Variants in SZT2 observed in about 807,000 individuals in gnomAD.
The protein encoded by SZT2 is SZT2 subunit of KICSTOR complex.
A neutral mutation model predicts 404.2 loss-of-function variants in SZT2; 216 were observed. The ratio of observed to expected loss-of-function variants is 0.53; its 90% CI spans 0.48 to 0.60. The LOEUF is 0.60. Ranked by LOEUF, SZT2 falls within the 20% of genes least tolerant of loss-of-function variation. The pLI, the probability that SZT2 is intolerant of heterozygous loss-of-function variation, is 0.00. For synonymous variants in SZT2, 1,693 were observed against 1,749.9 expected (o/e 0.97, Z 0.81); for missense variants, 3,857 against 4,459.2 (o/e 0.86, Z 3.85).
intron 1 of SZT2, among the ~76,000 whole-genome samples, chr1:43,390,409 T>A (rs1348954884): frequency 6.6e-6 from 1 of 152,250 alleles, no homozygotes; most frequent in East Asian, 1.9e-4. Context: ...CTAGGGCTCA[T>A]GCTTTTAGAA....
At chr1:43,419,203 C>T (rs895649576) in intron 7 of SZT2, among the ~76,000 whole-genome samples, 4 of 152,168 alleles carry the variant, frequency 2.6e-5, no homozygotes, top group Admixed American at 6.5e-5. Context: ...CAATAAAACT[C>T]GATTCACAAA....
intron 7 of SZT2, among the ~76,000 whole-genome samples, chr1:43,419,156 C>A (rs1437786151): frequency 1.3e-5 from 2 of 152,206 alleles, no homozygotes; most frequent in African/African-American, 4.8e-5. Context: ...TGAAAGCAGC[C>A]ACAGACAATA....
In SZT2 at chr1:43,451,130, C is replaced by A. The variant is rs768260846; in HGVS notation, c.*650C>A. ...AAGTGTTAGACACTATGTGTCCCAC[C>A]ACCCCATTACAGAGACATATGACAA... On this transcript the variant is annotated 3_prime_UTR_variant, in exon 72 of 72. Transcript: ENST00000634258. 9.4e-7 allele frequency: 1 copy of A among 1,069,208 alleles called. No individual in the cohort carries two copies. 66.2% of individuals were successfully genotyped at this position (1,069,208 alleles called of 1,614,324 possible). A position where few individuals can be genotyped will look rare whatever the true frequency, so the allele number is the denominator to read the frequency against.
intron 6 of SZT2, 101 bp from the exon 7 acceptor site, chr1:43,416,434 G>A: frequency 1.1e-6 from 1 of 897,296 alleles, no homozygotes; most frequent in Non-Finnish European, 1.7e-6. Context: ...CGACATTGGT[G>A]GGAAGACACT....
At chr1:43,428,805 TC>T (rs1029186560) in intron 28 of SZT2, 2 of 288,838 alleles carry the variant, frequency 6.9e-6, no homozygotes, top group South Asian at 6.2e-5. Flanking sequence ...AGTAGGAATC[TC>T]CCCAACCAAT....
At position 43,420,880 on chromosome 1, in the gene SZT2, G is replaced by C; in HGVS notation, c.1393G>C (p.Gly465Arg). ...AACACGGGTGGAAGTGACGATGGAA[G>C]GCGGCTACGACATTTTGCATGATGT... Reference protein sequence around the residue: ...RVTRVEVTMEGGYDILHDVSC... With the variant: ...RVTRVEVTMERGYDILHDVSC... Residue 465 changes from glycine (G) to arginine (R), a missense_variant, in exon 10 of 72, where the codon GGC becomes CGC. By Grantham distance (125) the Gly-to-Arg change is moderately radical. Transcript: ENST00000634258. The surrounding 1 kb of genome is among the most constrained non-coding windows in gnomAD (Gnocchi z 5.1). 6.3e-7 allele frequency: 1 copy of C among 1,598,478 alleles called. No individual in the cohort carries two copies.
intron 28 of SZT2, 105 bp from the exon 29 acceptor site, chr1:43,429,598 T>TC (rs1653608804): frequency 7.0e-7 from 1 of 1,430,904 alleles, no homozygotes; most frequent in African/African-American, 1.4e-5. Flanking sequence ...TAAGTACTCT[T>TC]CCTGTGGACA....
chr1:43,428,626 C>A, intron 28 of SZT2, 140 bp downstream of exon 28: 2 of 1,219,422 alleles, frequency 1.6e-6, no homozygotes, highest in Non-Finnish European at 2.2e-6. Context: ...CGCCGGCTCA[C>A]GGACTCCCAT....
chr1:43,452,988 T>C lies in SZT2; in HGVS notation c.*2508T>C. 6.3e-7 allele frequency: 1 copy of C among 1,586,940 alleles called. No homozygotes were observed. The highest frequency in any genetic ancestry group is 8.6e-7 in the Non-Finnish European group (1 of 1,158,486). On this transcript the variant is annotated 3_prime_UTR_variant, in exon 72 of 72. Transcript: ENST00000634258. ...CAAGGAACACTCAACTTCCTGCCCATCAAGCAATGCCCACTCCTTGAAGAC... is the reference window on the plus strand; with the variant it reads ...CAAGGAACACTCAACTTCCTGCCCACCAAGCAATGCCCACTCCTTGAAGAC...
intron 42 of SZT2, 93 bp downstream of exon 42, chr1:43,435,422 A>G (rs1654362262): frequency 2.1e-6 from 3 of 1,450,244 alleles, no homozygotes; most frequent in South Asian, 1.3e-5. Context: ...CAGAGTCCTC[A>G]TTACTTGGTC....
At position 43,420,245 on chromosome 1, in the gene SZT2, G is replaced by A. The variant is rs1314170062; in HGVS notation, c.1183G>A (p.Val395Met). Residue 395 changes from valine to methionine, a missense_variant, in exon 9 of 72, where the codon GTG (valine) becomes ATG (methionine). Val to Met is a conservative substitution (Grantham distance 21). Around this residue, in one of 7 missense-constraint regions of SZT2, gnomAD observed 536 missense variants for 637.4 expected, o/e 0.84. Transcript: ENST00000634258. The surrounding 1 kb of genome is among the most constrained non-coding windows in gnomAD (Gnocchi z 5.1). ...CCGGAAGAAGCACACTGAGAAGGAG[G>A]TGCCAGCCGACTTGGTCAGCACTGT... is the stretch of plus-strand genomic sequence containing the variant. ...LRRKKHTEKE[V>M]PADLVSTVSV... is the part of the protein sequence containing the mutation. The A allele has an allele frequency of 1.3e-6, 2 of 1,598,358 alleles. No homozygotes were observed. The highest frequency in any genetic ancestry group is 1.7e-5 in the Admixed American group (1 of 60,002).
chr1:43,447,160 T>C lies in SZT2; in HGVS notation c.9278T>C (p.Ile3093Thr). 6.2e-7 allele frequency: 1 copy of C among 1,611,508 alleles called. No homozygotes were observed. Among genetic ancestry groups the C allele is most frequent in the African/African-American group, 1.3e-5 (1 of 74,966 alleles). The change falls in exon 66 of 72, where the codon ATT becomes ACT. Residue 3093 changes from isoleucine to threonine, a missense_variant. Coordinates refer to ENST00000634258, the MANE Select transcript of SZT2 (RefSeq NM_001365999.1). ...GGACCCCACTTTGGCCGCAATCACA[T>C]TTACCAAGGTCAGTGCCCAAGGGCA... ...PDGPHFGRNH[I>T]YQGTLELPTP...
At chr1:43,413,164 G>A (rs1361210770) in intron 4 of SZT2, among the ~76,000 whole-genome samples, 1 of 152,160 alleles carries the variant, frequency 6.6e-6, no homozygotes, top group African/African-American at 2.4e-5. Context: ...CACTTTGGGA[G>A]GCCGAGGTGG....
rs774506037 is a variant in SZT2, at chr1:43,437,937, A to G, written c.6508+35A>G. 5.0e-6 allele frequency: 8 copies of G among 1,602,482 alleles called. No homozygotes were observed. The highest frequency in any genetic ancestry group is 6.8e-6 in the Non-Finnish European group (8 of 1,169,778). On this transcript the variant is annotated intron_variant, in intron 46 of 71. Coordinates refer to ENST00000634258, the MANE Select transcript of SZT2 (RefSeq NM_001365999.1). The surrounding 1 kb of genome is among the most constrained non-coding windows in gnomAD (Gnocchi z 5.3). ...GAGGAGGGGGTAGGGGAGTCGCCACATGAGGTTCCAGAATCCTCTGGGACT... is the reference window on the plus strand; with the variant it reads ...GAGGAGGGGGTAGGGGAGTCGCCACGTGAGGTTCCAGAATCCTCTGGGACT...
Position 43,439,163 on chromosome 1 carries a change from C to A in SZT2, c.6792+70C>A, listed in dbSNP as rs1410088227. The A allele has an allele frequency of 6.3e-7, 1 of 1,599,012 alleles. No homozygotes were observed. The highest frequency in any genetic ancestry group is 8.5e-7 in the Non-Finnish European group (1 of 1,169,830). ...CCCCTGCCCCACGCACTTACTCTTTCCTACCGATACCCCTATATGTACCTT... is the reference window on the plus strand; with the variant it reads ...CCCCTGCCCCACGCACTTACTCTTTACTACCGATACCCCTATATGTACCTT... On this transcript the variant is annotated intron_variant, in intron 48 of 71. Transcript: ENST00000634258. This position sits in a 1 kb window ranked among gnomAD's most constrained non-coding sequence, Gnocchi z 4.2.
Position 43,427,530 on chromosome 1 carries a change from A to C in SZT2, c.3599A>C (p.Asp1200Ala), listed in dbSNP as rs1220826997. The C allele has an allele frequency of 6.2e-7, 1 of 1,614,118 alleles. No homozygotes were observed. The highest frequency in any genetic ancestry group is 1.3e-5 in the African/African-American group (1 of 74,946). ...ACCACGTGACACCTTTTCTTCACAG[A>C]CAATGCCCAGAATCAAGGAGAGCTA... is the stretch of plus-strand genomic sequence containing the variant. Reference protein sequence around the residue: ...VPVLSVTLASDNAQNQGELSP... With the variant: ...VPVLSVTLASANAQNQGELSP... Residue 1200 changes from aspartate (D) to alanine (A), a missense_variant and splice_region_variant, in exon 26 of 72, where the codon GAC becomes GCC. Asp to Ala is a moderately radical substitution (Grantham distance 126, BLOSUM62 -2). This residue lies in a region of SZT2 where 1,725 missense variants were observed against 1,881.0 expected (regional missense o/e 0.92). Coordinates refer to ENST00000634258, the MANE Select transcript of SZT2 (RefSeq NM_001365999.1).
rs1419616158 is a variant in SZT2, at chr1:43,445,907, C to T, written c.8839C>T (p.Arg2947Trp). The T allele has an allele frequency of 6.8e-6, 11 of 1,614,102 alleles. No homozygotes were observed. Among genetic ancestry groups the T allele is most frequent in the South Asian group, 2.2e-5 (2 of 91,092 alleles). Residue 2947 changes from arginine (R) to tryptophan (W), a missense_variant, in exon 63 of 72, where the codon CGG (arginine) becomes TGG (tryptophan). Physicochemically the swap from Arg to Trp is moderately radical, Grantham distance 101. This residue lies in a region of SZT2 where 717 missense variants were observed against 868.2 expected (regional missense o/e 0.83). Coordinates refer to ENST00000634258, the MANE Select transcript of SZT2 (RefSeq NM_001365999.1). ...CCTTTTCTATAGCACCAGCCGGCCA[C>T]GGGCCATGGCTATCCTTGGAACAGA... is the stretch of plus-strand genomic sequence containing the variant. ...PSPARSTSRPRAMAILGTEGR... is the reference protein window; with the variant it reads ...PSPARSTSRPWAMAILGTEGR...
Position 43,428,305 on chromosome 1 carries a change from G to A in SZT2, c.3985G>A (p.Ala1329Thr), listed in dbSNP as rs1185590650. Reference protein sequence around the residue: ...TSQDLLTAVDACEELLQEIDI... With the variant: ...TSQDLLTAVDTCEELLQEIDI... ...CCAGGATTTGCTGACAGCGGTAGATGCCTGTGAGGAGCTACTACAAGAAAT... is the reference window on the plus strand; with the variant it reads ...CCAGGATTTGCTGACAGCGGTAGATACCTGTGAGGAGCTACTACAAGAAAT... The change falls in exon 28 of 72, where the codon GCC becomes ACC. Residue 1329 changes from alanine to threonine, a missense_variant. Physicochemically the swap from Ala to Thr is moderately conservative, Grantham distance 58 (BLOSUM62 0). Coordinates refer to ENST00000634258, the MANE Select transcript of SZT2 (RefSeq NM_001365999.1). The A allele has an allele frequency of 1.9e-6, 3 of 1,614,074 alleles. No individual in the cohort carries two copies. The highest frequency in any genetic ancestry group is 2.5e-6 in the Non-Finnish European group (3 of 1,180,030).
chr1:43,440,723 A>G (rs1023437873), intron 52 of SZT2, 137 bp downstream of exon 52: 136 of 1,215,566 alleles, frequency 1.1e-4, no homozygotes, highest in Non-Finnish European at 1.4e-4. Context: ...GTCCTGCCAG[A>G]CACCATGGCG....
Sources: allele counts gnomAD v4.1 joint callset (sites outside exome capture counted in the v4.1 genomes callset), GRCh38; gene constraint gnomAD v4.1.1; regional missense constraint gnomAD v4.1.1; non-coding constraint Gnocchi (gnomAD v3.1); transcripts MANE v1.5; gene names NCBI Gene and HGNC (gene_info 2026-07-23, HGNC 2026-07-21).